The following FGF13 variants were observed in gnomAD, a reference collection of about 807,000 sequenced individuals.
The protein encoded by FGF13 is fibroblast growth factor homologous factor 2.
FGF13 carries 2 observed loss-of-function variants against 19.5 expected under a neutral mutation model. The observed-to-expected ratio is 0.10, with a 90% CI of 0.04 to 0.32. The LOEUF is 0.32. FGF13 is among the 10% of genes least tolerant of loss of function. The pLI, the probability that FGF13 is intolerant of heterozygous loss-of-function variation, is 1.00. For synonymous variants in FGF13, 72 were observed against 76.9 expected (o/e 0.94, Z 0.33); for missense variants, 113 against 192.7 (o/e 0.59, Z 2.45).
chrX:138,984,588 A>AAGAAGAAGAAGAAGG (rs2091982501), intron 1 of FGF13, among the ~76,000 whole-genome samples: 15 of 11,505 alleles, frequency 1.3e-3, no homozygotes, highest in South Asian at 5.0e-3. Flanking sequence ...GAAGAAGAAG[A>AAGAAGAAGAAGAAGG]AGGAGGAGGA....
At chrX:138,941,205 G>A (rs1381612552) in intron 1 of FGF13, among the ~76,000 whole-genome samples, 2 of 111,326 alleles carry the variant, frequency 1.8e-5, no homozygotes, top group Non-Finnish European at 3.8e-5. Flanking sequence ...TAGAAGTTCC[G>A]GCCAGAGCAA....
chrX:139,190,693 A>G (rs775839802), intron 1 of FGF13, among the ~76,000 whole-genome samples: 1 of 112,588 alleles, frequency 8.9e-6, no homozygotes, highest in African/African-American at 3.2e-5. Flanking sequence ...TATACTTAAT[A>G]CCATAGAACT....
chrX:139,058,794 G>A (rs763851176), intron 1 of FGF13, among the ~76,000 whole-genome samples: 1 of 111,132 alleles, frequency 9.0e-6, no homozygotes, highest in South Asian at 3.8e-4. Flanking sequence ...ATTCAGCCAT[G>A]CTCTTTCGTA....
chrX:138,841,517 AT>A (rs906017901), intron 3 of FGF13, among the ~76,000 whole-genome samples: 2 of 110,243 alleles, frequency 1.8e-5, no homozygotes, highest in South Asian at 3.9e-4. Flanking sequence ...CTTTTTAAAA[AT>A]TTTTTTTATT....
intron 1 of FGF13, among the ~76,000 whole-genome samples, chrX:138,924,540 T>A (rs1364073263): frequency 8.9e-6 from 1 of 111,774 alleles, no homozygotes; most frequent in African/African-American, 3.3e-5. Flanking sequence ...ATAAATAAGG[T>A]AATTTTAGAT....
intron 1 of FGF13, among the ~76,000 whole-genome samples, chrX:138,883,312 C>T (rs1171982424): frequency 9.0e-6 from 1 of 111,513 alleles, no homozygotes; most frequent in East Asian, 2.8e-4. Context: ...AGCATCTTAG[C>T]CAACATATGG....
At chrX:138,867,934 T>TA (rs932841207) in intron 1 of FGF13, among the ~76,000 whole-genome samples, 2 of 111,232 alleles carry the variant, frequency 1.8e-5, no homozygotes, top group Non-Finnish European at 3.8e-5. Flanking sequence ...TTCAACCACT[T>TA]ATAACTGCTG....
intron 2 of FGF13, among the ~76,000 whole-genome samples, chrX:138,706,130 T>G (rs2089990059): frequency 8.9e-6 from 1 of 112,228 alleles, no homozygotes; most frequent in African/African-American, 3.2e-5. Context: ...GAATAATTAA[T>G]GAAAGTATAT....
At chrX:139,073,996 T>C (rs1603183596) in intron 1 of FGF13, among the ~76,000 whole-genome samples, 1 of 112,616 alleles carries the variant, frequency 8.9e-6, no homozygotes, top group East Asian at 2.8e-4. Flanking sequence ...ATGTAGTCCT[T>C]GGGCTGTCTT....
intron 3 of FGF13, among the ~76,000 whole-genome samples, chrX:138,746,106 T>A (rs1050460985): frequency 9.0e-6 from 1 of 111,635 alleles, no homozygotes; most frequent in African/African-American, 3.3e-5. Flanking sequence ...GGGGTGAGAT[T>A]TGGCACAGAG....
At chrX:138,999,688 T>C (rs2092062931) in intron 1 of FGF13, among the ~76,000 whole-genome samples, 1 of 111,989 alleles carries the variant, frequency 8.9e-6, no homozygotes, top group Non-Finnish European at 1.9e-5. Flanking sequence ...ATTGAGGCAG[T>C]AATTAATAGC....
At chrX:138,836,314 G>T (rs1463722247) in intron 3 of FGF13, among the ~76,000 whole-genome samples, 1 of 111,798 alleles carries the variant, frequency 8.9e-6, no homozygotes, top group East Asian at 2.8e-4. Context: ...ATCTCTTTCA[G>T]GTACATCAAT....
intron 3 of FGF13, among the ~76,000 whole-genome samples, chrX:138,823,461 C>CT (rs768855854): frequency 2.7e-5 from 3 of 110,538 alleles, no homozygotes; most frequent in Admixed American, 9.6e-5. Flanking sequence ...TCTGTTTCCC[C>CT]TTTTTTTTCC....
At chrX:138,984,289 T>C (rs1430786514) in intron 1 of FGF13, among the ~76,000 whole-genome samples, 5 of 108,096 alleles carry the variant, frequency 4.6e-5, no homozygotes, top group African/African-American at 1.0e-4. Context: ...ATGCCTGTAG[T>C]ACAAAGTACT....
At chrX:139,119,951 T>C (rs750749520) in intron 1 of FGF13, among the ~76,000 whole-genome samples, 27 of 112,331 alleles carry the variant, frequency 2.4e-4, no homozygotes, top group African/African-American at 8.1e-4. Flanking sequence ...TCATCTCAAA[T>C]TGTAATTCCC....
At chrX:139,003,477 T>C (rs1421205700) in intron 1 of FGF13, among the ~76,000 whole-genome samples, 2 of 111,962 alleles carry the variant, frequency 1.8e-5, no homozygotes, top group Admixed American at 1.9e-4. Flanking sequence ...TCGGGCAGCC[T>C]GCTTTTATTC....
chrX:139,109,614 C>T (rs1001843147), intron 1 of FGF13, among the ~76,000 whole-genome samples: 4 of 111,337 alleles, frequency 3.6e-5, no homozygotes, highest in Non-Finnish European at 7.5e-5. Flanking sequence ...CACAGACCAG[C>T]CATCACTTTT....
At chrX:139,073,038 T>C (rs973372942) in intron 1 of FGF13, among the ~76,000 whole-genome samples, 1 of 111,532 alleles carries the variant, frequency 9.0e-6, no homozygotes, top group Admixed American at 9.6e-5. Context: ...CATCGTATAC[T>C]TTCTCTCATT....
At chrX:138,961,370 C>T (rs953833324) in intron 1 of FGF13, among the ~76,000 whole-genome samples, 4 of 111,291 alleles carry the variant, frequency 3.6e-5, no homozygotes, top group African/African-American at 1.3e-4. Flanking sequence ...CTGCAGAACA[C>T]GATCCTTCCT....
Sources: gnomAD v4.1 joint callset for allele counts (sites outside exome capture counted in the v4.1 genomes callset) on GRCh38, gnomAD v4.1.1 for gene constraint, MANE v1.5 for transcripts, NCBI Gene and HGNC (gene_info 2026-07-23, HGNC 2026-07-21) for gene names.